Variants in ATF2 observed in about 807,000 individuals in gnomAD.
ATF2 encodes the protein activating transcription factor 2, also known as cyclic AMP-dependent transcription factor ATF-2.
A neutral mutation model predicts 60.6 loss-of-function variants in ATF2; 24 were observed. The ratio of observed to expected loss-of-function variants is 0.40; its 90% CI spans 0.29 to 0.56. The LOEUF is 0.56. ATF2 is among the 20% of genes least tolerant of loss of function. ATF2 has a pLI of 0.54. For missense variants in ATF2, 433 were observed against 607.7 expected, an observed-to-expected ratio of 0.71 and a Z score of 3.02; for synonymous variants, 206 against 215.4, an observed-to-expected ratio of 0.96 and a Z score of 0.38.
chr2:175,118,008 A>G lies in ATF2; in HGVS notation c.429T>C (p.Ser143=). The change falls in exon 7 of 14, where the codon TCT becomes TCC. Residue 143 remains serine, a synonymous_variant. Transcript: ENST00000264110. ...HQDSPLPHPE[S]TTSDEKEVPL... ...TTCTAACCTTCTCATCACTGGTAGTAGACTCTGGGTGAGGTAAAGGACTAT... is the reference window on the plus strand; with the variant it reads ...TTCTAACCTTCTCATCACTGGTAGTGGACTCTGGGTGAGGTAAAGGACTAT... 6.2e-7 allele frequency: 1 copy of G among 1,608,184 alleles called. No homozygotes were observed.
intron 11 of ATF2, 80 bp from the exon 12 acceptor site, chr2:175,093,347 G>C: frequency 7.3e-7 from 1 of 1,376,706 alleles, no homozygotes; most frequent in Non-Finnish European, 1.0e-6. Flanking sequence ...GTGTCAAAGG[G>C]GGAGAGCAAC....
At chr2:175,153,306 C>T (rs1463589051) in intron 1 of ATF2, among the ~76,000 whole-genome samples, 1 of 152,184 alleles carries the variant, frequency 6.6e-6, no homozygotes, top group Non-Finnish European at 1.5e-5. Context: ...CATAATCATG[C>T]ATCACTTAAC....
chr2:175,108,203 G>A (rs1377342290), intron 10 of ATF2, among the ~76,000 whole-genome samples: 1 of 151,910 alleles, frequency 6.6e-6, no homozygotes, highest in Non-Finnish European at 1.5e-5. Context: ...GATGTGAGGA[G>A]CCCCGCCGCC....
chr2:175,109,379 AAG>A (rs906122976), intron 10 of ATF2, among the ~76,000 whole-genome samples: 2 of 152,168 alleles, frequency 1.3e-5, no homozygotes, highest in Non-Finnish European at 2.9e-5. Flanking sequence ...AGCTGGACAT[AAG>A]AGTATAAAGT....
intron 1 of ATF2, among the ~76,000 whole-genome samples, chr2:175,160,977 G>T (rs765954950): frequency 2.6e-5 from 4 of 152,220 alleles, no homozygotes; most frequent in Middle Eastern, 6.8e-3. Flanking sequence ...GGTGGAAGCC[G>T]CAGTGAGACT....
intron 1 of ATF2, among the ~76,000 whole-genome samples, chr2:175,155,826 T>C (rs1382702045): frequency 6.6e-6 from 1 of 152,230 alleles, no homozygotes; most frequent in African/African-American, 2.4e-5. Context: ...CTATGATATT[T>C]AGGTACTTAT....
Position 175,146,250 on chromosome 2 carries a change from A to T in ATF2, c.-44+4810T>A, listed in dbSNP as rs182557944. On this transcript the variant is annotated intron_variant, in intron 2 of 13. Coordinates refer to ENST00000264110, the MANE Select transcript of ATF2 (RefSeq NM_001880.4). ...CCAAAATCATTATAGTCAAGGAAAC[A>T]TTAAGGAACTGTTTCCGATTTTAAA... is the stretch of plus-strand genomic sequence containing the variant. Among the ~76,000 whole-genome samples the T allele has an allele frequency of 1.4e-3, 208 of 152,358 alleles. 1 individual carries two copies. The highest frequency in any genetic ancestry group is 4.7e-3 in the African/African-American group (197 of 41,586).
chr2:175,090,909 G>A (rs989384260), intron 12 of ATF2, among the ~76,000 whole-genome samples: 8 of 152,108 alleles, frequency 5.3e-5, no homozygotes, highest in African/African-American at 2.4e-5. Flanking sequence ...ATGGAGTCAA[G>A]ATTATATTTA....
chr2:175,134,429 G>A (rs1697984180), intron 3 of ATF2, among the ~76,000 whole-genome samples: 1 of 151,772 alleles, frequency 6.6e-6, no homozygotes, highest in Non-Finnish European at 1.5e-5. Flanking sequence ...CTAAGTAGAA[G>A]TGGAGTAAGA....
intron 7 of ATF2, among the ~76,000 whole-genome samples, chr2:175,115,400 G>T (rs1696482828): frequency 6.6e-6 from 1 of 152,058 alleles, no homozygotes; most frequent in Non-Finnish European, 1.5e-5. Context: ...ATATCAAAAG[G>T]CCACGTAATA....
At chr2:175,088,013 C>G (rs1694284495) in intron 12 of ATF2, among the ~76,000 whole-genome samples, 2 of 152,136 alleles carry the variant, frequency 1.3e-5, no homozygotes, top group South Asian at 2.1e-4. Flanking sequence ...ATAATAGATG[C>G]ATAATGACAG....
At chr2:175,145,138 TAG>T (rs1559112547) in intron 2 of ATF2, among the ~76,000 whole-genome samples, 1 of 152,184 alleles carries the variant, frequency 6.6e-6, no homozygotes, top group East Asian at 1.9e-4. Flanking sequence ...TGTGGTCATG[TAG>T]GTCCCTAGCT....
At position 175,088,814 on chromosome 2, in the gene ATF2, G is replaced by T. The variant is rs534710443; in HGVS notation, c.1185+4247C>A. ...ACCCCCATAATGAGCATAACTGCAAGACAAAGCTATAAACAGGTAAAAACC... is the reference window on the plus strand; with the variant it reads ...ACCCCCATAATGAGCATAACTGCAATACAAAGCTATAAACAGGTAAAAACC... On this transcript the variant is annotated intron_variant, in intron 12 of 13. Transcript: ENST00000264110. 4.6e-5 allele frequency among the ~76,000 whole-genome samples: 7 copies of T among 151,260 alleles called. No individual in the cohort carries two copies. The East Asian group carries it at 1.4e-3, about 30-fold the overall frequency.
chr2:175,080,130 TA>T (rs1407642842), intron 13 of ATF2: 1 of 152,208 alleles, frequency 6.6e-6, no homozygotes, highest in Non-Finnish European at 1.5e-5. Context: ...GTTCCCGTTT[TA>T]ACATTTTTAT....
At chr2:175,139,923 C>T (rs946343993) in intron 2 of ATF2, among the ~76,000 whole-genome samples, 5 of 151,818 alleles carry the variant, frequency 3.3e-5, no homozygotes, top group Admixed American at 3.3e-4. Flanking sequence ...CACTCATGAA[C>T]ATAAAGTAAA....
intron 10 of ATF2, among the ~76,000 whole-genome samples, chr2:175,110,976 G>T (rs1696141698): frequency 6.6e-6 from 1 of 152,046 alleles, no homozygotes; most frequent in Non-Finnish European, 1.5e-5. Context: ...AGGATTTAGG[G>T]TTAAGAAGTA....
intron 5 of ATF2, among the ~76,000 whole-genome samples, chr2:175,120,303 A>G (rs961965307): frequency 2.6e-5 from 4 of 151,520 alleles, no homozygotes; most frequent in Non-Finnish European, 5.9e-5. Flanking sequence ...TACTCCAAAA[A>G]AAAAAAAGCA....
At chr2:175,101,803 C>T (rs1695329888) in intron 10 of ATF2, among the ~76,000 whole-genome samples, 1 of 152,148 alleles carries the variant, frequency 6.6e-6, no homozygotes, top group Non-Finnish European at 1.5e-5. Context: ...CATGCTGTTA[C>T]ATTGATTACA....
At chr2:175,083,344 A>T (rs965540570) in intron 12 of ATF2, among the ~76,000 whole-genome samples, 1 of 152,184 alleles carries the variant, frequency 6.6e-6, no homozygotes, top group African/African-American at 2.4e-5. Flanking sequence ...ATAACGCCGC[A>T]TATGTACAAC....
Sources: gnomAD v4.1 joint callset for allele counts (sites outside exome capture counted in the v4.1 genomes callset) on GRCh38, gnomAD v4.1.1 for gene constraint, MANE v1.5 for transcripts, NCBI Gene and HGNC (gene_info 2026-07-23, HGNC 2026-07-21) for gene names.